Variants in SDCBP2 observed in about 807,000 individuals in gnomAD.
SDCBP2 encodes syntenin-2.
Under a neutral mutation model 30.7 loss-of-function variants are expected in SDCBP2, and 28 were observed. The observed-to-expected ratio is 0.91, with a 90% CI of 0.68 to 1.25. SDCBP2 has a LOEUF of 1.25. SDCBP2 is among the 50% of genes most tolerant of loss of function. SDCBP2 has a pLI of 0.00. For synonymous variants in SDCBP2, 166 were observed against 157.3 expected, an observed-to-expected ratio of 1.06 and a Z score of -0.41; for missense variants, 399 against 379.0, an observed-to-expected ratio of 1.05 and a Z score of -0.44.
At chr20:1,312,850 T>A in intron 5 of SDCBP2, 88 bp from the exon 6 acceptor site, 1 of 1,378,608 alleles carries the variant, frequency 7.3e-7, no homozygotes, top group Non-Finnish European at 9.7e-7. Context: ...CTCCTGATAC[T>A]CCAGGAACCT....
Position 1,321,368 on chromosome 20 carries a change from G to A in SDCBP2, c.-19-933C>T, listed in dbSNP as rs1161276100. 3 of 152,576 alleles carry A rather than the reference G, an allele frequency of 2.0e-5. No individual in the cohort carries two copies. The highest frequency in any genetic ancestry group is 4.4e-5 in the Non-Finnish European group (3 of 68,204). 9.5% of individuals were successfully genotyped at this position (152,576 alleles called of 1,614,324 possible). On this transcript the variant is annotated intron_variant, in intron 1 of 8. Coordinates refer to ENST00000360779, the MANE Select transcript of SDCBP2 (RefSeq NM_080489.5). The surrounding 1 kb of genome is among the most constrained non-coding windows in gnomAD (Gnocchi z 5.2). ...CCCTGAGTGACCACAGGCACGCCGAGGACATACTCATCCATCACTGCTCCT... is the reference window on the plus strand; with the variant it reads ...CCCTGAGTGACCACAGGCACGCCGAAGACATACTCATCCATCACTGCTCCT...
intron 1 of SDCBP2, among the ~76,000 whole-genome samples, chr20:1,326,881 CAG>C (rs2088935239): frequency 6.6e-6 from 1 of 152,244 alleles, no homozygotes; most frequent in Non-Finnish European, 1.5e-5. Context: ...AAAGCAGGCA[CAG>C]AGAGAAGAGA....
chr20:1,319,659 C>A lies in SDCBP2; in HGVS notation c.55G>T (p.Ala19Ser). ...ATCTTGGGTGAGGCTCTGACCTGGG[C>A]CTGGGGAGGAGCAGGGAGCACTGGT... ...EDLKVDQAIQ[A>S]QVRASPKMPA... The change falls in exon 3 of 9, where the codon GCC (alanine) becomes TCC (serine). Residue 19 changes from alanine (A) to serine (S), a missense_variant and splice_region_variant. Ala to Ser is a moderately conservative substitution (Grantham distance 99). Coordinates refer to ENST00000360779, the MANE Select transcript of SDCBP2 (RefSeq NM_080489.5). 1.3e-6 allele frequency: 2 copies of A among 1,560,136 alleles called. No individual in the cohort carries two copies. The highest frequency in any genetic ancestry group is 8.7e-7 in the Non-Finnish European group (1 of 1,151,912).
intron 1 of SDCBP2, chr20:1,325,820 C>G (rs140541634): frequency 6.6e-6 from 1 of 152,180 alleles, no homozygotes; most frequent in Non-Finnish European, 1.5e-5. Context: ...CTTCCTCCCC[C>G]GTTTCTCACC....
Position 1,313,556 on chromosome 20 carries a change from A to C in SDCBP2, c.226-58T>G. 1 of 1,504,004 alleles carries C rather than the reference A, an allele frequency of 6.6e-7. No homozygotes were observed. The highest frequency in any genetic ancestry group is 1.3e-5 in the South Asian group (1 of 78,752). 93.2% of individuals were successfully genotyped at this position (1,504,004 alleles called of 1,614,324 possible). A position where few individuals can be genotyped will look rare whatever the true frequency, so the allele number is the denominator to read the frequency against. On this transcript the variant is annotated intron_variant, in intron 4 of 8. Transcript: ENST00000360779. The surrounding 1 kb of genome is among the most constrained non-coding windows in gnomAD (Gnocchi z 5.2). ...GCCCGTGGGGACCCTGTGCCTCAGG[A>C]GACACTGGGGTGGGGGTAGGGATGG...
At chr20:1,316,605 G>T (rs1177142134) in intron 4 of SDCBP2, among the ~76,000 whole-genome samples, 1 of 152,122 alleles carries the variant, frequency 6.6e-6, no homozygotes, top group Non-Finnish European at 1.5e-5. Context: ...GCCCAGGCTG[G>T]TCTCGAACTT....
chr20:1,312,938 T>C (rs1375351365), intron 5 of SDCBP2, 176 bp from the exon 6 acceptor site: 2 of 671,660 alleles, frequency 3.0e-6, no homozygotes, highest in Non-Finnish European at 4.9e-6. Flanking sequence ...ACTCTAGGCC[T>C]CATAGTTAGG....
intron 4 of SDCBP2, among the ~76,000 whole-genome samples, chr20:1,314,702 G>A (rs940962272): frequency 1.3e-5 from 2 of 151,274 alleles, no homozygotes; most frequent in Admixed American, 6.6e-5. Context: ...AGACCAGCCT[G>A]GGCAACAAAG....
Position 1,313,609 on chromosome 20 carries a change from TC to T in SDCBP2, c.226-112del. On this transcript the variant is annotated intron_variant, in intron 4 of 8. Transcript: ENST00000360779. This position sits in a 1 kb window ranked among gnomAD's most constrained non-coding sequence, Gnocchi z 5.2. The stretch of plus-strand genomic sequence containing the variant: ...AAAGGAGGATGGAGCCGTCCCCGGG[TC>T]CCCCCACGTCCCCAGTCCACGCTTC... 2.1e-6 allele frequency: 3 copies of T among 1,410,718 alleles called. No individual in the cohort carries two copies. Among genetic ancestry groups the T allele is most frequent in the Non-Finnish European group, 1.8e-6 (2 of 1,083,914 alleles). 87.4% of individuals were successfully genotyped at this position (1,410,718 alleles called of 1,614,324 possible). A position where few individuals can be genotyped will look rare whatever the true frequency, so the allele number is the denominator to read the frequency against.
rs556714762 is a variant in SDCBP2 at position 1,313,793 on chromosome 20, T to C, written c.226-295A>G. 1 of 286,778 alleles carries C rather than the reference T, an allele frequency of 3.5e-6. No individual in the cohort carries two copies. The highest frequency in any genetic ancestry group is 1.7e-4 in the East Asian group (1 of 5,748). The allele number at this position is 286,778 out of a possible 1,614,324, so 17.8% of individuals were successfully genotyped here. A position where few individuals can be genotyped will look rare whatever the true frequency, so the allele number is the denominator to read the frequency against. On this transcript the variant is annotated intron_variant, in intron 4 of 8. Transcript: ENST00000360779. The surrounding 1 kb of genome is among the most constrained non-coding windows in gnomAD (Gnocchi z 5.2). ...AAACTGGCATCAGGAAAAGCCTCCT[T>C]TAAAACCCACTTAAAATAGAAAAAG...
Position 1,320,562 on chromosome 20 carries a change from A to G in SDCBP2, c.-19-127T>C. 1.5e-6 allele frequency: 1 copy of G among 684,310 alleles called. No individual in the cohort carries two copies. The highest frequency in any genetic ancestry group is 1.8e-5 in the South Asian group (1 of 54,144). 42.4% of individuals were successfully genotyped at this position (684,310 alleles called of 1,614,324 possible). On this transcript the variant is annotated intron_variant, in intron 1 of 8. Transcript: ENST00000360779. This position sits in a 1 kb window ranked among gnomAD's most constrained non-coding sequence, Gnocchi z 4.7. Reference sequence around the variant, plus strand: ...CAAACAGAAAGGCAGCAGGGCACTTAGAATGCCTCCCCGAACTCCACCCCT... The same window carrying G: ...CAAACAGAAAGGCAGCAGGGCACTTGGAATGCCTCCCCGAACTCCACCCCT...
At chr20:1,327,793 T>C (rs2088951112) in intron 1 of SDCBP2, among the ~76,000 whole-genome samples, 1 of 152,252 alleles carries the variant, frequency 6.6e-6, no homozygotes, top group Admixed American at 6.5e-5. Context: ...TAGCACATAA[T>C]AGGCATTCAG....
intron 1 of SDCBP2, chr20:1,322,169 A>G (rs2088858388): frequency 6.6e-6 from 1 of 151,966 alleles, no homozygotes; most frequent in Admixed American, 6.6e-5. Flanking sequence ...TATCTGGAAT[A>G]CCCCTCCTCT....
At chr20:1,318,282 T>G in intron 4 of SDCBP2, 36 bp downstream of exon 4, 2 of 1,417,902 alleles carry the variant, frequency 1.4e-6, no homozygotes. Context: ...GATTGGGAGG[T>G]TCTGCGCCCG....
intron 7 of SDCBP2, 154 bp from the exon 8 acceptor site, chr20:1,311,045 G>A (rs2088658783): frequency 1.7e-6 from 1 of 574,612 alleles, no homozygotes; most frequent in Non-Finnish European, 3.1e-6. Flanking sequence ...GAGCCTGTCA[G>A]ATGAGGGTCC....
At position 1,312,437 on chromosome 20, in the gene SDCBP2, T is replaced by C. The variant is rs2088689928; in HGVS notation, c.632A>G (p.Lys211Arg). 1.9e-6 allele frequency: 3 copies of C among 1,614,114 alleles called. No homozygotes were observed. Among genetic ancestry groups the C allele is most frequent in the Non-Finnish European group, 2.5e-6 (3 of 1,179,978 alleles). ...ACTCCCTTTGACCAGAGAGACAATCTTCCCCTTCTTGATCACGAAGCCGAC... is the reference window on the plus strand; with the variant it reads ...ACTCCCTTTGACCAGAGAGACAATCCTCCCCTTCTTGATCACGAAGCCGAC... ...GHVGFVIKKGKIVSLVKGSSA... is the reference protein window; with the variant it reads ...GHVGFVIKKGRIVSLVKGSSA... The change falls in exon 7 of 9, where the codon AAG becomes AGG. Residue 211 changes from lysine to arginine, a missense_variant. By Grantham distance (26) the Lys-to-Arg change is conservative (BLOSUM62 2). Transcript: ENST00000360779.
In SDCBP2 at chr20:1,312,591, C is replaced by T. The variant is rs201595244; in HGVS notation, c.556G>A (p.Asp186Asn). The T allele has an allele frequency of 6.2e-7, 1 of 1,613,838 alleles. No individual in the cohort carries two copies. The highest frequency in any genetic ancestry group is 8.5e-7 in the Non-Finnish European group (1 of 1,179,808). Residue 186 changes from aspartate (D) to asparagine (N), a missense_variant, in exon 6 of 9, where the codon GAC becomes AAC. Asp to Asn is a conservative substitution (Grantham distance 23). Transcript: ENST00000360779. ...SGDKIVVVVR[D>N]RPFQRTVTMH... ...TGCCCGGGCCTGGCTACTCACCTGTCCCGAACCACCACGACAATCTTATCG... is the reference window on the plus strand; with the variant it reads ...TGCCCGGGCCTGGCTACTCACCTGTTCCGAACCACCACGACAATCTTATCG...
chr20:1,319,566 A>G, intron 3 of SDCBP2, 24 bp downstream of exon 3: 2 of 1,556,474 alleles, frequency 1.3e-6, no homozygotes, highest in Non-Finnish European at 1.7e-6. Context: ...GGCACCCAGG[A>G]GCCCCTCATC....
chr20:1,322,829 C>A (rs991832725), intron 1 of SDCBP2: 1 of 152,230 alleles, frequency 6.6e-6, no homozygotes, highest in Non-Finnish European at 1.5e-5. Flanking sequence ...CTTCGGTCCC[C>A]CAAAGTGTTG....
Sources: allele counts gnomAD v4.1 joint callset (sites outside exome capture counted in the v4.1 genomes callset), GRCh38; gene constraint gnomAD v4.1.1; non-coding constraint Gnocchi (gnomAD v3.1); transcripts MANE v1.5; gene names NCBI Gene and HGNC (gene_info 2026-07-23, HGNC 2026-07-21).